Variants in PRKCA observed in about 807,000 individuals in gnomAD.
The protein encoded by PRKCA is protein kinase C alpha type.
A neutral mutation model predicts 87.0 loss-of-function variants in PRKCA; 27 were observed. That is an observed-to-expected ratio of 0.31 (90% CI 0.23 to 0.43). The LOEUF is 0.43. Ranked by LOEUF, PRKCA falls within the 20% of genes least tolerant of loss-of-function variation. The pLI is 1.00. For synonymous variants in PRKCA, 329 were observed against 311.1 expected (o/e 1.06, Z -0.61); for missense variants, 518 against 852.3 (o/e 0.61, Z 4.88).
chr17:66,786,526 G>A lies in PRKCA; in HGVS notation c.1606-341G>A, dbSNP rs536003242. On this transcript the variant is annotated intron_variant, in intron 14 of 16. Transcript: ENST00000413366. ...AAGCCATCTGTAACCTAACTTGATCGTAATTAGATTTTTAGCACATAATTA... is the reference window on the plus strand; with the variant it reads ...AAGCCATCTGTAACCTAACTTGATCATAATTAGATTTTTAGCACATAATTA... Among the ~76,000 whole-genome samples the A allele has an allele frequency of 1.5e-3, 228 of 152,264 alleles. 2 individuals are homozygous for A. Among genetic ancestry groups the A allele is most frequent in the African/African-American group, 5.1e-3 (213 of 41,552 alleles).
chr17:66,507,918 G>A (rs903437898), intron 3 of PRKCA, among the ~76,000 whole-genome samples: 28 of 152,326 alleles, frequency 1.8e-4, no homozygotes, highest in African/African-American at 5.8e-4. Context: ...AGGAGATTTA[G>A]GAAGGGTCTG....
At chr17:66,686,714 C>T (rs536274481) in intron 5 of PRKCA, among the ~76,000 whole-genome samples, 8 of 152,100 alleles carry the variant, frequency 5.3e-5, no homozygotes, top group African/African-American at 1.4e-4. Flanking sequence ...TTGGGCTGGT[C>T]GCTTCCATGC....
At chr17:66,510,558 T>G (rs1032605860) in intron 3 of PRKCA, among the ~76,000 whole-genome samples, 2 of 152,188 alleles carry the variant, frequency 1.3e-5, no homozygotes, top group Non-Finnish European at 2.9e-5. Flanking sequence ...TGGAGAGAGC[T>G]AACAGCTTAA....
intron 3 of PRKCA, among the ~76,000 whole-genome samples, chr17:66,602,434 C>T (rs991759510): frequency 1.3e-5 from 2 of 150,224 alleles, no homozygotes; most frequent in African/African-American, 2.5e-5. Context: ...GGCTCGCGCA[C>T]GGTGCGCACA....
At chr17:66,558,740 A>T (rs1419954577) in intron 3 of PRKCA, among the ~76,000 whole-genome samples, 1 of 152,066 alleles carries the variant, frequency 6.6e-6, no homozygotes, top group Non-Finnish European at 1.5e-5. Flanking sequence ...TGAGAAGAGT[A>T]GTGGTTGGCA....
chr17:66,788,853 C>A lies in PRKCA; in HGVS notation c.1728C>A (p.His576Gln), dbSNP rs751820837. Residue 576 changes from histidine to glutamine, a missense_variant, in exon 16 of 17, where the codon CAC becomes CAA. By Grantham distance (24) the His-to-Gln change is conservative. Transcript: ENST00000413366. Reference protein sequence around the residue: ...VSVCKGLMTKHPAKRLGCGPE... With the variant: ...VSVCKGLMTKQPAKRLGCGPE... Reference sequence around the variant, plus strand: ...TTCCTTTCTAGCTGATGACCAAACACCCAGCCAAGCGGCTGGGCTGTGGGC... The same window carrying A: ...TTCCTTTCTAGCTGATGACCAAACAACCAGCCAAGCGGCTGGGCTGTGGGC... The A allele has an allele frequency of 8.1e-6, 13 of 1,612,812 alleles. No homozygotes were observed. The highest frequency in any genetic ancestry group is 5.0e-5 in the Admixed American group (3 of 59,434).
chr17:66,521,289 A>G (rs1396357065), intron 3 of PRKCA, among the ~76,000 whole-genome samples: 1 of 152,236 alleles, frequency 6.6e-6, no homozygotes, highest in Non-Finnish European at 1.5e-5. Context: ...TAATAATGTC[A>G]TATTATAGTG....
At chr17:66,668,905 C>A (rs1475742934) in intron 5 of PRKCA, among the ~76,000 whole-genome samples, 1 of 152,054 alleles carries the variant, frequency 6.6e-6, no homozygotes, top group East Asian at 1.9e-4. Flanking sequence ...AAGTTTGAGA[C>A]CAGCCTGGGC....
chr17:66,504,247 C>A (rs1468266393), intron 3 of PRKCA, among the ~76,000 whole-genome samples: 1 of 151,348 alleles, frequency 6.6e-6, no homozygotes, highest in Admixed American at 6.6e-5. Context: ...AGGGATTATC[C>A]TCTAATTGCA....
chr17:66,499,764 T>C (rs892649798), intron 3 of PRKCA, among the ~76,000 whole-genome samples: 1 of 152,108 alleles, frequency 6.6e-6, no homozygotes, highest in African/African-American at 2.4e-5. Flanking sequence ...GTAATGATGA[T>C]TAGATGAATT....
chr17:66,607,832 G>A (rs1226993513), intron 3 of PRKCA, among the ~76,000 whole-genome samples: 1 of 152,204 alleles, frequency 6.6e-6, no homozygotes, highest in Non-Finnish European at 1.5e-5. Context: ...GTTTAATTCA[G>A]TGGACGTTGT....
chr17:66,444,965 A>G (rs1268492491), intron 2 of PRKCA, among the ~76,000 whole-genome samples: 1 of 152,148 alleles, frequency 6.6e-6, no homozygotes, highest in South Asian at 2.1e-4. Context: ...TCTCACACAT[A>G]CAGACTCCCT....
At chr17:66,322,104 A>T (rs748093220) in intron 2 of PRKCA, among the ~76,000 whole-genome samples, 21 of 152,194 alleles carry the variant, frequency 1.4e-4, no homozygotes, top group Non-Finnish European at 2.1e-4. Flanking sequence ...GAGTGCATTT[A>T]TATTGGTTCT....
chr17:66,404,612 C>A (rs528055086), intron 2 of PRKCA, among the ~76,000 whole-genome samples: 101 of 152,254 alleles, frequency 6.6e-4, no homozygotes, highest in African/African-American at 1.9e-3. Context: ...TTGTTAGCAA[C>A]TACCCAAATA....
chr17:66,804,138 G>C lies in PRKCA; in HGVS notation c.*101G>C. ...ATTTTAAGGCCACGGCCTTGTGTCT[G>C]ATTCCATATGGAGGCCTGAAAATTG... On this transcript the variant is annotated 3_prime_UTR_variant, in exon 17 of 17. Coordinates refer to ENST00000413366, the MANE Select transcript of PRKCA (RefSeq NM_002737.3). 1 of 1,463,200 alleles carries C rather than the reference G, an allele frequency of 6.8e-7. No individual in the cohort carries two copies. Among genetic ancestry groups the C allele is most frequent in the Non-Finnish European group, 9.1e-7 (1 of 1,097,570 alleles). 90.6% of individuals were successfully genotyped at this position (1,463,200 alleles called of 1,614,324 possible). A position where few individuals can be genotyped will look rare whatever the true frequency, so the allele number is the denominator to read the frequency against.
chr17:66,342,413 C>G (rs1907088645), intron 2 of PRKCA, among the ~76,000 whole-genome samples: 1 of 148,460 alleles, frequency 6.7e-6, no homozygotes, highest in African/African-American at 2.5e-5. Context: ...CAGAGTGAGA[C>G]TCCATCTCAA....
chr17:66,685,379 T>C (rs571301060), intron 5 of PRKCA, among the ~76,000 whole-genome samples: 3 of 152,244 alleles, frequency 2.0e-5, no homozygotes, highest in African/African-American at 7.2e-5. Flanking sequence ...ACAGGGACCA[T>C]GCCTATGTGT....
rs187382235 is a variant in PRKCA at position 66,740,768 on chromosome 17, C to G, written c.1323-891C>G. The stretch of plus-strand genomic sequence containing the variant: ...ATGTTATAAAGTAACATAAAGGTGT[C>G]TGGTCCAATATCCTTTCATTATATT... On this transcript the variant is annotated intron_variant, in intron 11 of 16. Transcript: ENST00000413366. 5.1e-4 allele frequency among the ~76,000 whole-genome samples: 77 copies of G among 152,242 alleles called. 1 individual carries two copies. Among genetic ancestry groups the G allele is most frequent in the Middle Eastern group, 3.4e-3 (1 of 294 alleles).
intron 2 of PRKCA, among the ~76,000 whole-genome samples, chr17:66,434,379 G>A (rs1477456682): frequency 1.3e-5 from 2 of 152,046 alleles, no homozygotes; most frequent in Non-Finnish European, 2.9e-5. Context: ...TGCTAAGAGG[G>A]ACCTGAATGA....
Sources: allele counts gnomAD v4.1 joint callset (sites outside exome capture counted in the v4.1 genomes callset), GRCh38; gene constraint gnomAD v4.1.1; transcripts MANE v1.5; gene names NCBI Gene and HGNC (gene_info 2026-07-23, HGNC 2026-07-21).